Variants in RABGAP1 observed in about 807,000 individuals in gnomAD.
RABGAP1 encodes the protein RAB GTPase activating protein 1, also known as rab GTPase-activating protein 1.
A neutral mutation model predicts 137.6 loss-of-function variants in RABGAP1; 23 were observed. That is an observed-to-expected ratio of 0.17 (90% CI 0.12 to 0.24). RABGAP1 has a LOEUF of 0.24. Among genes scored for constraint, RABGAP1 ranks in the 10% least tolerant of loss-of-function variants. The pLI, the probability that RABGAP1 is intolerant of heterozygous loss-of-function variation, is 1.00. For synonymous variants in RABGAP1, 451 were observed against 450.7 expected, an observed-to-expected ratio of 1.00 and a Z score of -0.01; for missense variants, 906 against 1,275.8, an observed-to-expected ratio of 0.71 and a Z score of 4.42.
At position 122,984,470 on chromosome 9, in the gene RABGAP1, A is replaced by G. The variant is rs1187680248; in HGVS notation, c.151-15A>G. 2.5e-6 allele frequency: 4 copies of G among 1,607,112 alleles called. No individual in the cohort carries two copies. Among genetic ancestry groups the G allele is most frequent in the South Asian group, 1.1e-5 (1 of 90,112 alleles). On this transcript the variant is annotated splice_polypyrimidine_tract_variant and intron_variant, in intron 2 of 25. Transcript: ENST00000373647. ...CTTTGTCACTTTGCTGATTGCATGT[A>G]TTTGTGACCCTTAGATTGTAGGGAA... is the stretch of plus-strand genomic sequence containing the variant.
the RABGAP1 span, among the ~76,000 whole-genome samples, chr9:122,934,402 TTG>T: frequency 6.6e-6 from 1 of 152,184 alleles, no homozygotes; most frequent in African/African-American, 2.4e-5. Context: ...TTCAATCTAT[TTG>T]TGTCTTTGGA....
At chr9:123,051,334 G>A (rs539449473) in intron 13 of RABGAP1, among the ~76,000 whole-genome samples, 59 of 138,710 alleles carry the variant, frequency 4.3e-4, no homozygotes, top group Admixed American at 2.3e-3. Flanking sequence ...TGCAACCTCC[G>A]CCTCCCAGGT....
At chr9:123,021,357 A>G (rs2031625985) in intron 13 of RABGAP1, among the ~76,000 whole-genome samples, 1 of 136,044 alleles carries the variant, frequency 7.4e-6, no homozygotes. Context: ...TTTGAAATAG[A>G]GTCTTGCCCA....
At chr9:123,045,746 G>C (rs971725988) in intron 13 of RABGAP1, among the ~76,000 whole-genome samples, 13 of 152,090 alleles carry the variant, frequency 8.5e-5, no homozygotes, top group Non-Finnish European at 1.6e-4. Context: ...TTTCCTCTGA[G>C]ATAAAGAGGA....
chr9:122,970,378 G>A (rs1835405927), intron 2 of RABGAP1, among the ~76,000 whole-genome samples: 1 of 152,152 alleles, frequency 6.6e-6, no homozygotes, highest in African/African-American at 2.4e-5. Flanking sequence ...AGGCTGCAGT[G>A]CTCTATAAGC....
upstream of RABGAP1, among the ~76,000 whole-genome samples, chr9:122,937,358 G>C (rs1291560304): frequency 6.6e-6 from 1 of 152,236 alleles, no homozygotes; most frequent in Non-Finnish European, 1.5e-5. Flanking sequence ...CAGCGCTTTG[G>C]GAAGCCAAGG....
intron 1 of RABGAP1, among the ~76,000 whole-genome samples, chr9:122,942,086 A>G (rs543179110): frequency 6.6e-6 from 1 of 152,324 alleles, no homozygotes; most frequent in East Asian, 1.9e-4. Flanking sequence ...ATTTCCATTC[A>G]CATGTATTTA....
chr9:122,996,824 A>G (rs1837043654), intron 8 of RABGAP1: 1 of 496,304 alleles, frequency 2.0e-6, no homozygotes, highest in Non-Finnish European at 3.6e-6. Flanking sequence ...TGGTGGTGAT[A>G]AAATTCTTGT....
At chr9:122,982,023 T>G (rs1450477557) in intron 2 of RABGAP1, among the ~76,000 whole-genome samples, 2 of 148,074 alleles carry the variant, frequency 1.4e-5, no homozygotes, top group African/African-American at 5.0e-5. Context: ...CACTCCAGCC[T>G]GGGCAACAGA....
chr9:123,015,991 A>G (rs2031197605), intron 12 of RABGAP1, among the ~76,000 whole-genome samples: 1 of 152,208 alleles, frequency 6.6e-6, no homozygotes, highest in Admixed American at 6.5e-5. Context: ...GCATAGAGCC[A>G]TGGTAGAGAC....
At position 122,990,794 on chromosome 9, in the gene RABGAP1, AAAAT is replaced by A. The variant is rs1287160177; in HGVS notation, c.923+583_923+586del. 27 of 39,698 alleles carry A rather than the reference AAAAT, an allele frequency of 6.8e-4. 1 individual carries two copies. Among genetic ancestry groups the A allele is most frequent in the African/African-American group, 2.4e-3 (27 of 11,344 alleles). The allele number at this position is 39,698 out of a possible 1,614,324, so 2.5% of individuals were successfully genotyped here. ...CAAAAAAAAAAAAAAAAAAAAAAAA[AAAAT>A]ATATATATATATATATATATATATA... On this transcript the variant is annotated intron_variant, in intron 6 of 25. Transcript: ENST00000373647.
At chr9:123,046,027 A>G (rs1178761176) in intron 13 of RABGAP1, among the ~76,000 whole-genome samples, 3 of 152,186 alleles carry the variant, frequency 2.0e-5, no homozygotes, top group African/African-American at 7.2e-5. Context: ...GTGAATGTGG[A>G]GTGGCCTGGT....
intron 19 of RABGAP1, among the ~76,000 whole-genome samples, chr9:123,078,387 C>T (rs893560434): frequency 6.6e-6 from 1 of 152,018 alleles, no homozygotes; most frequent in South Asian, 2.1e-4. Context: ...TGGTTAAGTG[C>T]TTTTATATGT....
intron 23 of RABGAP1, 24 bp from the exon 24 acceptor site, chr9:123,099,451 ATTG>A (rs1278125115): frequency 1.9e-6 from 3 of 1,569,998 alleles, no homozygotes; most frequent in Admixed American, 1.7e-5. Flanking sequence ...TGCTCAAGAG[ATTG>A]TTGTTTTATA....
intron 13 of RABGAP1, among the ~76,000 whole-genome samples, chr9:123,051,813 A>G (rs2033489054): frequency 6.6e-6 from 1 of 150,796 alleles, no homozygotes; most frequent in Non-Finnish European, 1.5e-5. Flanking sequence ...TTTTTATGAG[A>G]CGGAGCCTTG....
chr9:123,103,439 T>A lies in RABGAP1; in HGVS notation c.*226T>A, dbSNP rs1341124648. On this transcript the variant is annotated 3_prime_UTR_variant, in exon 26 of 26. Transcript: ENST00000373647. Reference sequence around the variant, plus strand: ...CTAGCTCAGCCGACGCTCTGGACACTCTAGAAATCACTCCTCAGTGTGACC... The same window carrying A: ...CTAGCTCAGCCGACGCTCTGGACACACTAGAAATCACTCCTCAGTGTGACC... 6.1e-6 allele frequency: 3 copies of A among 489,760 alleles called. No individual in the cohort carries two copies. Among genetic ancestry groups the A allele is most frequent in the Admixed American group, 4.1e-5 (1 of 24,618 alleles). 30.3% of individuals were successfully genotyped at this position (489,760 alleles called of 1,614,324 possible). A position where few individuals can be genotyped will look rare whatever the true frequency, so the allele number is the denominator to read the frequency against.
upstream of RABGAP1, among the ~76,000 whole-genome samples, chr9:122,936,899 T>G (rs2131552184): frequency 6.6e-6 from 1 of 152,286 alleles, no homozygotes; most frequent in African/African-American, 2.4e-5. Flanking sequence ...TGAGAAAACC[T>G]TAAGCTTTCA....
chr9:123,029,262 A>T (rs2032162959), intron 13 of RABGAP1: 1 of 496,958 alleles, frequency 2.0e-6, no homozygotes, highest in South Asian at 2.5e-5. Flanking sequence ...TTACATAAAT[A>T]AACTCACATC....
At position 123,066,752 on chromosome 9, in the gene RABGAP1, GCAGA is replaced by G. The variant is rs559929443; in HGVS notation, c.1908+1294_1908+1297del. On this transcript the variant is annotated intron_variant, in intron 14 of 25. Transcript: ENST00000373647. The stretch of plus-strand genomic sequence containing the variant: ...CATTAACTCAAGGTCTAAATTTCCA[GCAGA>G]CAATTAGTCTCCATGTAAAAGTCTG... Among the ~76,000 whole-genome samples, 8 of 152,226 alleles carry G rather than the reference GCAGA, an allele frequency of 5.3e-5. No individual in the cohort carries two copies. The South Asian group carries it at 1.7e-3, about 32-fold the overall frequency.
Sources: allele counts gnomAD v4.1 joint callset (sites outside exome capture counted in the v4.1 genomes callset), GRCh38; gene constraint gnomAD v4.1.1; transcripts MANE v1.5; gene names NCBI Gene and HGNC (gene_info 2026-07-23, HGNC 2026-07-21).